KCNQ5: variants seen among roughly 807,000 people sequenced by gnomAD.
KCNQ5 encodes the protein potassium voltage-gated channel subfamily KQT member 5.
KCNQ5 carries 30 observed loss-of-function variants against 98.2 expected under a neutral mutation model. The observed-to-expected ratio is 0.31, with a 90% confidence interval of 0.23 to 0.41. The LOEUF (loss-of-function observed/expected upper bound fraction) is 0.41. Ranked by LOEUF, KCNQ5 falls within the 10% of genes least tolerant of loss-of-function variation. The probability of loss-of-function intolerance (pLI) is 1.00; values close to 1 mark genes in which losing one functional copy is unlikely to be tolerated. For synonymous variants in KCNQ5, 458 were observed against 449.4 expected, an observed-to-expected ratio of 1.02 and a Z score of -0.24; for missense variants, 835 against 1,182.5, an observed-to-expected ratio of 0.71 and a Z score of 4.31.
chr6:72,657,593 C>T (rs1766262890), intron 1 of KCNQ5, among the ~76,000 whole-genome samples: 1 of 152,188 alleles, frequency 6.6e-6, no homozygotes, highest in African/African-American at 2.4e-5. Flanking sequence ...TCTTGTTCAC[C>T]TGCAGTGGTT....
Position 72,622,453 on chromosome 6 carries a change from C to T in KCNQ5, c.264C>T (p.Ser88=), listed in dbSNP as rs751731680. ...SRRGKQGARM[S]LLGKPLSYTS... is the part of the protein sequence containing the mutation. The stretch of plus-strand genomic sequence containing the variant: ...GGGGCAAGCAGGGGGCCCGGATGAG[C>T]CTGCTGGGGAAGCCGCTCTCTTACA... Residue 88 remains serine, a synonymous_variant, in exon 1 of 14, where the codon AGC becomes AGT. Coordinates refer to ENST00000370398, the MANE Select transcript of KCNQ5 (RefSeq NM_019842.4). This position sits in a 1 kb window ranked among gnomAD's most constrained non-coding sequence, Gnocchi z 6.0. The T allele has an allele frequency of 1.9e-6, 3 of 1,588,536 alleles. No individual in the cohort carries two copies. Among genetic ancestry groups the T allele is most frequent in the East Asian group, 4.7e-5 (2 of 42,816 alleles).
At chr6:73,165,409 A>T (rs926215314) in intron 10 of KCNQ5, among the ~76,000 whole-genome samples, 1 of 152,164 alleles carries the variant, frequency 6.6e-6, no homozygotes, top group Non-Finnish European at 1.5e-5. Context: ...CAGCCTGTAT[A>T]TGAGTCCTCT....
chr6:73,153,793 A>C (rs73756827), intron 10 of KCNQ5, among the ~76,000 whole-genome samples: 1 of 152,062 alleles, frequency 6.6e-6, no homozygotes, highest in Non-Finnish European at 1.5e-5. Flanking sequence ...CCAAATTTTT[A>C]TGTCAAGAAT....
intron 2 of KCNQ5, among the ~76,000 whole-genome samples, chr6:73,034,179 C>CT (rs1024530067): frequency 1.8e-4 from 27 of 151,906 alleles, no homozygotes; most frequent in East Asian, 5.8e-4. Context: ...TGACTGATGC[C>CT]TTTTTTTTGC....
intron 5 of KCNQ5, among the ~76,000 whole-genome samples, chr6:73,095,012 AT>A (rs1774421648): frequency 6.6e-6 from 1 of 152,166 alleles, no homozygotes; most frequent in Admixed American, 6.5e-5. Flanking sequence ...TCCCTGAAAT[AT>A]GTTTTCCAAA....
At chr6:72,998,661 C>G (rs577755274) in intron 1 of KCNQ5, among the ~76,000 whole-genome samples, 1 of 151,538 alleles carries the variant, frequency 6.6e-6, no homozygotes. Flanking sequence ...GGCGTGAACC[C>G]GGGAGAAGGA....
chr6:72,730,169 G>T lies in KCNQ5; in HGVS notation c.398+107582G>T, dbSNP rs543644728. Among the ~76,000 whole-genome samples, 159 of 152,126 alleles carry T rather than the reference G, an allele frequency of 1.0e-3. 1 individual carries two copies. The South Asian group carries it at 0.012, about 11-fold the overall frequency. ...AAGACCCTGTCACTATATAAAGAAA[G>T]AAATAATAAATAAATAAAAGATAAG... On this transcript the variant is annotated intron_variant, in intron 1 of 13. Coordinates refer to ENST00000370398, the MANE Select transcript of KCNQ5 (RefSeq NM_019842.4).
chr6:73,089,372 TTA>T (rs1774137490), intron 5 of KCNQ5, among the ~76,000 whole-genome samples: 1 of 152,152 alleles, frequency 6.6e-6, no homozygotes, highest in South Asian at 2.1e-4. Flanking sequence ...TGTTTTGTCT[TTA>T]TGAGAAAATG....
chr6:72,924,678 G>T (rs572202201), intron 1 of KCNQ5, among the ~76,000 whole-genome samples: 1 of 152,000 alleles, frequency 6.6e-6, no homozygotes, highest in African/African-American at 2.4e-5. Context: ...CCTTCCACTC[G>T]CATACCACAC....
At chr6:72,796,239 C>G (rs1371582085) in intron 1 of KCNQ5, among the ~76,000 whole-genome samples, 1 of 151,974 alleles carries the variant, frequency 6.6e-6, no homozygotes, top group Non-Finnish European at 1.5e-5. Context: ...TTGCCAAGTC[C>G]TTTGTACAAA....
intron 10 of KCNQ5, among the ~76,000 whole-genome samples, chr6:73,147,240 A>G (rs925588125): frequency 6.6e-6 from 1 of 152,100 alleles, no homozygotes; most frequent in African/African-American, 2.4e-5. Context: ...ATTCTTGTAC[A>G]ATGCCCAGCA....
chr6:73,037,292 A>G lies in KCNQ5; in HGVS notation c.490-4644A>G, dbSNP rs74787748. Reference sequence around the variant, plus strand: ...GTCCTTTGTCAGATATGTGGTTTACAAACATTTTCTCCCAGTCTATGGCTT... The same window carrying G: ...GTCCTTTGTCAGATATGTGGTTTACGAACATTTTCTCCCAGTCTATGGCTT... On this transcript the variant is annotated intron_variant, in intron 2 of 13. Coordinates refer to ENST00000370398, the MANE Select transcript of KCNQ5 (RefSeq NM_019842.4). Among the ~76,000 whole-genome samples, 1,355 of 152,302 alleles carry G rather than the reference A, an allele frequency of 8.9e-3. 9 individuals are homozygous for G. Among genetic ancestry groups the G allele is most frequent in the East Asian group, 0.048 (247 of 5,190 alleles).
chr6:73,158,890 T>C (rs1244410905), intron 10 of KCNQ5, among the ~76,000 whole-genome samples: 8 of 152,214 alleles, frequency 5.3e-5, no homozygotes, highest in African/African-American at 1.7e-4. Context: ...GTAGTACACC[T>C]GCATGATCAA....
chr6:73,048,327 T>G (rs1045830182), intron 3 of KCNQ5, among the ~76,000 whole-genome samples: 1 of 152,102 alleles, frequency 6.6e-6, no homozygotes, highest in Non-Finnish European at 1.5e-5. Flanking sequence ...ATTGCAAGGA[T>G]TATTAACACT....
chr6:73,108,719 C>T (rs1478820059), intron 6 of KCNQ5, among the ~76,000 whole-genome samples: 4 of 152,052 alleles, frequency 2.6e-5, no homozygotes, highest in Admixed American at 1.3e-4. Context: ...CCCAGCTACT[C>T]GGGAGGCTGA....
chr6:72,894,231 A>C (rs576300421), intron 1 of KCNQ5, among the ~76,000 whole-genome samples: 1 of 152,068 alleles, frequency 6.6e-6, no homozygotes, highest in Non-Finnish European at 1.5e-5. Flanking sequence ...TTTCCTGGGA[A>C]ACATAGCTTA....
intron 3 of KCNQ5, chr6:73,055,084 C>T: frequency 1.4e-6 from 1 of 703,066 alleles, no homozygotes; most frequent in Admixed American, 1.9e-5. Context: ...TGCTATCCCC[C>T]AAGCCTGCCA....
intron 1 of KCNQ5, among the ~76,000 whole-genome samples, chr6:72,762,367 G>A (rs957889856): frequency 4.0e-5 from 6 of 151,862 alleles, no homozygotes; most frequent in Admixed American, 1.3e-4. Context: ...TCAGGCCTGG[G>A]TTTTAAACAC....
At chr6:73,063,466 C>T (rs1021993135) in intron 3 of KCNQ5, among the ~76,000 whole-genome samples, 3 of 152,082 alleles carry the variant, frequency 2.0e-5, no homozygotes, top group African/African-American at 7.2e-5. Context: ...AGCAGCAATA[C>T]ACTTTGCAGC....
Sources: allele counts gnomAD v4.1 joint callset (sites outside exome capture counted in the v4.1 genomes callset), GRCh38; gene constraint gnomAD v4.1.1; non-coding constraint Gnocchi (gnomAD v3.1); transcripts MANE v1.5; gene names NCBI Gene and HGNC (gene_info 2026-07-23, HGNC 2026-07-21).